The following ANKS1B variants were observed in gnomAD, a reference collection of about 807,000 sequenced individuals.
ANKS1B encodes the protein ankyrin repeat and sterile alpha motif domain-containing protein 1B.
ANKS1B carries 36 observed loss-of-function variants against 148.3 expected under a neutral mutation model. That is an observed-to-expected ratio of 0.24 (90% CI 0.19 to 0.32). The LOEUF is 0.32. Ranked by LOEUF, ANKS1B falls within the 10% of genes least tolerant of loss-of-function variation. The probability of loss-of-function intolerance (pLI) is 1.00; values close to 1 mark genes in which losing one functional copy is unlikely to be tolerated. For missense variants in ANKS1B, 1,157 were observed against 1,542.6 expected (o/e 0.75, Z 4.19); for synonymous variants, 542 against 560.8 (o/e 0.97, Z 0.47).
At chr12:99,435,119 A>G (rs1358048511) in intron 11 of ANKS1B, among the ~76,000 whole-genome samples, 1 of 152,088 alleles carries the variant, frequency 6.6e-6, no homozygotes, top group Non-Finnish European at 1.5e-5. Flanking sequence ...TGGCATGACC[A>G]CTATATGGAT....
At chr12:99,359,560 A>T (rs12578151) in intron 12 of ANKS1B, among the ~76,000 whole-genome samples, 1 of 152,122 alleles carries the variant, frequency 6.6e-6, no homozygotes, top group Non-Finnish European at 1.5e-5. Context: ...CTTATTGTTA[A>T]AAAAGATATA....
chr12:98,823,498 T>A (rs2099218442), intron 19 of ANKS1B, among the ~76,000 whole-genome samples: 1 of 152,180 alleles, frequency 6.6e-6, no homozygotes, highest in South Asian at 2.1e-4. Context: ...AAAAACACTC[T>A]CTTTTCTTTG....
At chr12:99,401,160 T>A (rs1362529759) in intron 11 of ANKS1B, among the ~76,000 whole-genome samples, 1 of 146,128 alleles carries the variant, frequency 6.8e-6, no homozygotes, top group South Asian at 2.1e-4. Context: ...GAATTCAAAT[T>A]AGCACCCACA....
At chr12:99,006,788 G>A (rs1364750362) in intron 17 of ANKS1B, among the ~76,000 whole-genome samples, 2 of 152,152 alleles carry the variant, frequency 1.3e-5, no homozygotes, top group African/African-American at 4.8e-5. Context: ...ACCAGGCACT[G>A]TTCTAAGTAC....
chr12:99,943,354 C>A (rs978635564), intron 1 of ANKS1B, among the ~76,000 whole-genome samples: 1 of 152,140 alleles, frequency 6.6e-6, no homozygotes, highest in African/African-American at 2.4e-5. Context: ...CAAAATAAGA[C>A]CTGCCCAGTG....
intron 12 of ANKS1B, among the ~76,000 whole-genome samples, chr12:99,266,484 T>C (rs1480400753): frequency 6.6e-6 from 1 of 152,156 alleles, no homozygotes; most frequent in Non-Finnish European, 1.5e-5. Context: ...ATTACACAAC[T>C]GGTTAGTAAA....
intron 12 of ANKS1B, among the ~76,000 whole-genome samples, chr12:99,299,424 T>A (rs776097250): frequency 6.6e-6 from 1 of 152,196 alleles, no homozygotes; most frequent in Non-Finnish European, 1.5e-5. Flanking sequence ...GATGTCAATA[T>A]CATGAAATAA....
chr12:99,662,837 A>C (rs781068892), intron 8 of ANKS1B, among the ~76,000 whole-genome samples: 2 of 152,094 alleles, frequency 1.3e-5, no homozygotes, highest in African/African-American at 2.4e-5. Flanking sequence ...ATTGGGTAGA[A>C]GGGTGCTTTT....
intron 9 of ANKS1B, among the ~76,000 whole-genome samples, chr12:99,651,970 A>G (rs2098422636): frequency 6.6e-6 from 1 of 151,380 alleles, no homozygotes; most frequent in African/African-American, 2.4e-5. Context: ...TGCTATACAT[A>G]TTATATTTTT....
intron 10 of ANKS1B, among the ~76,000 whole-genome samples, chr12:99,448,511 T>C (rs1365527513): frequency 1.3e-5 from 2 of 152,166 alleles, no homozygotes; most frequent in African/African-American, 4.8e-5. Flanking sequence ...TCATACAATA[T>C]GGTGACTATA....
At chr12:99,123,174 T>C (rs2063396237) in intron 15 of ANKS1B, among the ~76,000 whole-genome samples, 1 of 151,976 alleles carries the variant, frequency 6.6e-6, no homozygotes, top group Non-Finnish European at 1.5e-5. Flanking sequence ...TTAATATACA[T>C]GTAGAAATAC....
chr12:99,767,722 G>A (rs1302325067), intron 8 of ANKS1B, among the ~76,000 whole-genome samples: 1 of 152,058 alleles, frequency 6.6e-6, no homozygotes, highest in Non-Finnish European at 1.5e-5. Context: ...AATGGTTTCA[G>A]ATGCATATTA....
At chr12:99,629,799 T>C (rs1276819848) in intron 9 of ANKS1B, among the ~76,000 whole-genome samples, 1 of 152,210 alleles carries the variant, frequency 6.6e-6, no homozygotes, top group South Asian at 2.1e-4. Flanking sequence ...AGTTCTGTCA[T>C]TATGCTATGT....
intron 1 of ANKS1B, among the ~76,000 whole-genome samples, chr12:99,939,236 G>T (rs2094856983): frequency 6.6e-6 from 1 of 151,988 alleles, no homozygotes; most frequent in Non-Finnish European, 1.5e-5. Context: ...GACTACAGGT[G>T]ACTGTGACCA....
intron 17 of ANKS1B, among the ~76,000 whole-genome samples, chr12:98,890,120 G>C (rs1230631306): frequency 6.6e-6 from 1 of 152,216 alleles, no homozygotes; most frequent in African/African-American, 2.4e-5. Flanking sequence ...TTCCTGTCTA[G>C]AGTAGCTCTG....
At chr12:99,683,648 A>G (rs1270806693) in intron 8 of ANKS1B, among the ~76,000 whole-genome samples, 1 of 152,168 alleles carries the variant, frequency 6.6e-6, no homozygotes, top group Non-Finnish European at 1.5e-5. Context: ...CCCTAATACC[A>G]AAACCAGAAA....
intron 1 of ANKS1B, among the ~76,000 whole-genome samples, chr12:99,914,850 C>G (rs1383115623): frequency 6.6e-6 from 1 of 152,102 alleles, no homozygotes; most frequent in Non-Finnish European, 1.5e-5. Context: ...AAAGGACATA[C>G]CTGACGGGGG....
chr12:98,852,630 G>A (rs2099536217), intron 17 of ANKS1B, among the ~76,000 whole-genome samples: 1 of 152,102 alleles, frequency 6.6e-6, no homozygotes, highest in Admixed American at 6.6e-5. Flanking sequence ...CGGACTATGA[G>A]TTTGATATTG....
chr12:99,816,261 C>T (rs2069124417), intron 2 of ANKS1B, among the ~76,000 whole-genome samples: 1 of 151,698 alleles, frequency 6.6e-6, no homozygotes, highest in South Asian at 2.1e-4. Flanking sequence ...CACTGTTTCA[C>T]ATGTTTGTTG....
Sources: allele counts gnomAD v4.1 joint callset (sites outside exome capture counted in the v4.1 genomes callset), GRCh38; gene constraint gnomAD v4.1.1; transcripts MANE v1.5; gene names NCBI Gene and HGNC (gene_info 2026-07-23, HGNC 2026-07-21).